GRIP1: variants seen among roughly 807,000 people sequenced by gnomAD.
The protein encoded by GRIP1 is glutamate receptor-interacting protein 1.
Under a neutral mutation model 129.9 loss-of-function variants are expected in GRIP1, and 45 were observed. That is an observed-to-expected ratio of 0.35 (90% CI 0.27 to 0.44). The LOEUF (loss-of-function observed/expected upper bound fraction) is 0.44, where lower values mean the gene tolerates loss of function less well. Ranked by LOEUF, GRIP1 falls within the 20% of genes least tolerant of loss-of-function variation. The pLI is 1.00. For synonymous variants in GRIP1, 530 were observed against 520.8 expected, an observed-to-expected ratio of 1.02 and a Z score of -0.24; for missense variants, 1,196 against 1,396.8, an observed-to-expected ratio of 0.86 and a Z score of 2.29.
chr12:66,811,543 A>C (rs1355293916), intron 1 of GRIP1, among the ~76,000 whole-genome samples: 3 of 152,114 alleles, frequency 2.0e-5, no homozygotes, highest in African/African-American at 4.8e-5. Flanking sequence ...GTTCTGAAGA[A>C]TATATTACCT....
intron 1 of GRIP1, among the ~76,000 whole-genome samples, chr12:66,881,205 A>G (rs961211751): frequency 1.3e-5 from 2 of 152,144 alleles, no homozygotes; most frequent in African/African-American, 2.4e-5. Context: ...AAAAAGAGAA[A>G]AAGGTTTTGT....
intron 1 of GRIP1, among the ~76,000 whole-genome samples, chr12:66,689,403 T>C (rs1170972285): frequency 6.6e-6 from 1 of 152,214 alleles, no homozygotes; most frequent in East Asian, 1.9e-4. Context: ...TCAATCATTG[T>C]CATTGTCATC....
At chr12:66,813,943 CAGAA>C (rs1443274310) in intron 1 of GRIP1, among the ~76,000 whole-genome samples, 3 of 152,076 alleles carry the variant, frequency 2.0e-5, no homozygotes, top group African/African-American at 7.2e-5. Context: ...ATAGGGTTCT[CAGAA>C]AGAAATCAAG....
intron 19 of GRIP1, among the ~76,000 whole-genome samples, chr12:66,388,142 C>T (rs1365675923): frequency 6.8e-6 from 1 of 147,246 alleles, no homozygotes; most frequent in Non-Finnish European, 1.5e-5. Context: ...AAAATAAAAA[C>T]CAAACAAAGA....
chr12:66,351,215 G>A (rs1418867371), intron 24 of GRIP1, among the ~76,000 whole-genome samples: 9 of 152,202 alleles, frequency 5.9e-5, no homozygotes, highest in Non-Finnish European at 8.8e-5. Flanking sequence ...GCCAACCAAT[G>A]AGTGGCAGCC....
At chr12:67,040,805 T>A (rs940301913) in intron 1 of GRIP1, among the ~76,000 whole-genome samples, 1 of 152,178 alleles carries the variant, frequency 6.6e-6, no homozygotes, top group Admixed American at 6.5e-5. Flanking sequence ...TAGCTCTGAG[T>A]CAATTTGGCT....
intron 5 of GRIP1, among the ~76,000 whole-genome samples, chr12:66,527,118 C>CTA (rs1565828414): frequency 2.0e-5 from 3 of 147,140 alleles, no homozygotes; most frequent in African/African-American, 7.6e-5. Context: ...GTCAGTGTGG[C>CTA]GATTCCTCAG....
chr12:66,522,917 GA>G (rs767038992), intron 5 of GRIP1, among the ~76,000 whole-genome samples: 16 of 152,270 alleles, frequency 1.1e-4, no homozygotes, highest in Non-Finnish European at 1.9e-4. Flanking sequence ...TCAACTGGAA[GA>G]AAGAGTATCA....
At chr12:66,873,167 G>A (rs1482064020) in intron 1 of GRIP1, among the ~76,000 whole-genome samples, 2 of 152,012 alleles carry the variant, frequency 1.3e-5, no homozygotes, top group Non-Finnish European at 2.9e-5. Flanking sequence ...AATAAAGAAG[G>A]GGGAAGACAC....
intron 1 of GRIP1, among the ~76,000 whole-genome samples, chr12:66,633,215 G>A (rs1274140618): frequency 7.0e-6 from 1 of 143,678 alleles, no homozygotes. Flanking sequence ...ATATGTGTGT[G>A]TATATATATA....
intron 22 of GRIP1, among the ~76,000 whole-genome samples, chr12:66,374,427 A>G (rs2055686053): frequency 6.6e-6 from 1 of 152,098 alleles, no homozygotes; most frequent in African/African-American, 2.4e-5. Context: ...ACCTCAGGTG[A>G]TCCACCTGCC....
chr12:66,551,189 G>T (rs979273860), intron 2 of GRIP1, among the ~76,000 whole-genome samples: 2 of 152,172 alleles, frequency 1.3e-5, no homozygotes, highest in Admixed American at 1.3e-4. Context: ...ATAATTGCCA[G>T]ACTCTGTGGT....
At chr12:66,529,755 T>A (rs898750757) in intron 5 of GRIP1, 76 bp downstream of exon 5, 1 of 856,974 alleles carries the variant, frequency 1.2e-6, no homozygotes, top group Admixed American at 1.7e-5. Flanking sequence ...TGTAACCAAA[T>A]ACCCAAATAC....
At chr12:66,580,573 C>A (rs1197068896) in intron 2 of GRIP1, among the ~76,000 whole-genome samples, 1 of 150,198 alleles carries the variant, frequency 6.7e-6, no homozygotes, top group East Asian at 2.0e-4. Flanking sequence ...ATCTACCAAG[C>A]AAATGGAAAA....
At chr12:66,636,375 A>G (rs2031368583) in intron 1 of GRIP1, among the ~76,000 whole-genome samples, 1 of 152,214 alleles carries the variant, frequency 6.6e-6, no homozygotes, top group African/African-American at 2.4e-5. Context: ...AATGCCTCTG[A>G]ACTACGCACT....
chr12:66,645,976 A>C (rs1262625274), intron 1 of GRIP1, among the ~76,000 whole-genome samples: 1 of 152,232 alleles, frequency 6.6e-6, no homozygotes, highest in Admixed American at 6.5e-5. Flanking sequence ...TCAGTATTAA[A>C]GGATATGCTG....
At chr12:67,015,122 A>G (rs1300456038) in intron 1 of GRIP1, among the ~76,000 whole-genome samples, 1 of 152,106 alleles carries the variant, frequency 6.6e-6, no homozygotes, top group African/African-American at 2.4e-5. Flanking sequence ...CCTGAGAGAG[A>G]AAAAAAGCGA....
chr12:66,418,149 C>T (rs1263192016), intron 15 of GRIP1, among the ~76,000 whole-genome samples: 1 of 152,126 alleles, frequency 6.6e-6, no homozygotes. Context: ...CTACAGTGAA[C>T]TCATTTTTGA....
rs1372331648 is a variant in GRIP1, at chr12:66,517,890, A to T, written c.578+11T>A. ...CTATTTTGGATAGTGACACAGAAAG[A>T]TAAAGTTTACCTGTCAGCAGGCCCT... On this transcript the variant is annotated intron_variant, in intron 6 of 24. Transcript: ENST00000359742. 2 of 1,392,834 alleles carry T rather than the reference A, an allele frequency of 1.4e-6. No individual in the cohort carries two copies. Among genetic ancestry groups the T allele is most frequent in the Non-Finnish European group, 2.0e-6 (2 of 977,832 alleles). 86.3% of individuals were successfully genotyped at this position (1,392,834 alleles called of 1,614,324 possible). A position where few individuals can be genotyped will look rare whatever the true frequency, so the allele number is the denominator to read the frequency against.
Sources: allele counts gnomAD v4.1 joint callset (sites outside exome capture counted in the v4.1 genomes callset), GRCh38; gene constraint gnomAD v4.1.1; transcripts MANE v1.5; gene names NCBI Gene and HGNC (gene_info 2026-07-23, HGNC 2026-07-21).